Variants in APBB1IP observed in about 807,000 individuals in gnomAD.
The protein encoded by APBB1IP is amyloid beta precursor protein binding family B member 1 interacting protein, also known as amyloid beta A4 precursor protein-binding family B member 1-interacting protein.
A neutral mutation model predicts 64.9 loss-of-function variants in APBB1IP; 27 were observed. The observed-to-expected ratio is 0.42, with a 90% CI of 0.31 to 0.57. The LOEUF is 0.57. Among genes scored for constraint, APBB1IP ranks in the 20% least tolerant of loss-of-function variants. The pLI, the probability that APBB1IP is intolerant of heterozygous loss-of-function variation, is 0.20. For synonymous variants in APBB1IP, 392 were observed against 331.0 expected (o/e 1.18, Z -2.00); for missense variants, 812 against 845.5 (o/e 0.96, Z 0.49).
At position 26,451,135 on chromosome 10, in the gene APBB1IP, G is replaced by A. The variant is rs557969876; in HGVS notation, c.-1+12282G>A. 3.3e-5 allele frequency among the ~76,000 whole-genome samples: 5 copies of A among 152,024 alleles called. No homozygotes were observed. The East Asian group carries it at 9.6e-4, about 29-fold the overall frequency. On this transcript the variant is annotated intron_variant, in intron 2 of 14. Coordinates refer to ENST00000376236, the MANE Select transcript of APBB1IP (RefSeq NM_019043.4). Reference sequence around the variant, plus strand: ...AGCAATTATAAGAAATGAAAGGGGTGTTTTATTTATTTAAAATAAAATAAA... The same window carrying A: ...AGCAATTATAAGAAATGAAAGGGGTATTTTATTTATTTAAAATAAAATAAA...
In APBB1IP at chr10:26,567,326, C is replaced by T; in HGVS notation, c.1839C>T (p.Val613=). ...PPPPAPAPAP[V]PDSARPPPAV... ...CGCCCGCGCCCGCGCCCGCCCCCGT[C>T]CCCGACTCCGCCAGGCCGCCCCCCG... The change falls in exon 15 of 15, where the codon GTC becomes GTT. Residue 613 remains valine, a synonymous_variant. Coordinates refer to ENST00000376236, the MANE Select transcript of APBB1IP (RefSeq NM_019043.4). 1 of 1,310,538 alleles carries T rather than the reference C, an allele frequency of 7.6e-7. No homozygotes were observed. The allele number at this position is 1,310,538 out of a possible 1,614,324, so 81.2% of individuals were successfully genotyped here. A position where few individuals can be genotyped will look rare whatever the true frequency, so the allele number is the denominator to read the frequency against.
At chr10:26,508,323 A>T (rs1386967042) in intron 6 of APBB1IP, among the ~76,000 whole-genome samples, 1 of 152,054 alleles carries the variant, frequency 6.6e-6, no homozygotes, top group Non-Finnish European at 1.5e-5. Flanking sequence ...CTCATGCATT[A>T]CTTTTATTGT....
chr10:26,483,155 T>G (rs1434109329), intron 2 of APBB1IP, among the ~76,000 whole-genome samples: 1 of 149,158 alleles, frequency 6.7e-6, no homozygotes, highest in Non-Finnish European at 1.5e-5. Context: ...TCTTTAACTG[T>G]CTTTAACATA....
At chr10:26,556,328 A>G (rs886468716) in intron 11 of APBB1IP, among the ~76,000 whole-genome samples, 5 of 152,238 alleles carry the variant, frequency 3.3e-5, no homozygotes, top group African/African-American at 1.2e-4. Flanking sequence ...AATGTCTGCA[A>G]GGCTGAACGA....
At chr10:26,464,615 C>T (rs950158045) in intron 2 of APBB1IP, among the ~76,000 whole-genome samples, 8 of 151,772 alleles carry the variant, frequency 5.3e-5, no homozygotes, top group Non-Finnish European at 1.0e-4. Flanking sequence ...TGTTGTGTTG[C>T]CCAGGCTGGT....
At chr10:26,467,174 G>A (rs1480223574) in intron 2 of APBB1IP, among the ~76,000 whole-genome samples, 1 of 152,034 alleles carries the variant, frequency 6.6e-6, no homozygotes, top group Non-Finnish European at 1.5e-5. Context: ...CCAAAGTACT[G>A]AGATTACAGG....
In APBB1IP at chr10:26,567,236, G is replaced by A; in HGVS notation, c.1749G>A (p.Val583=). 1 of 1,329,424 alleles carries A rather than the reference G, an allele frequency of 7.5e-7. No individual in the cohort carries two copies. Among genetic ancestry groups the A allele is most frequent in the Non-Finnish European group, 9.6e-7 (1 of 1,039,990 alleles). The allele number at this position is 1,329,424 out of a possible 1,614,324, so 82.4% of individuals were successfully genotyped here. A position where few individuals can be genotyped will look rare whatever the true frequency, so the allele number is the denominator to read the frequency against. The change falls in exon 15 of 15, where the codon GTG becomes GTA. Residue 583 remains valine (V), a synonymous_variant. Coordinates refer to ENST00000376236, the MANE Select transcript of APBB1IP (RefSeq NM_019043.4). ...TCATGGAGCCGCCCCCAGACTTCGT[G>A]CCCCCGCCCCCGCCGTCGTACGCAG... The part of the protein sequence containing the change: ...PDFMEPPPDF[V]PPPPPSYAGI...
chr10:26,567,669 T>C lies in APBB1IP; in HGVS notation c.*181T>C. 1 of 1,334,778 alleles carries C rather than the reference T, an allele frequency of 7.5e-7. No individual in the cohort carries two copies. Among genetic ancestry groups the C allele is most frequent in the South Asian group, 1.3e-5 (1 of 74,492 alleles). 82.7% of individuals were successfully genotyped at this position (1,334,778 alleles called of 1,614,324 possible). On this transcript the variant is annotated 3_prime_UTR_variant, in exon 15 of 15. Transcript: ENST00000376236. ...GTAGAGTTCAGAATATCTGCCCAAA[T>C]GTACATATCGTTCCCATGTATTTTA...
intron 2 of APBB1IP, among the ~76,000 whole-genome samples, chr10:26,461,403 T>C (rs10829006): frequency 0.37 from 56,062 of 152,060 alleles, 10,401 homozygotes; most frequent in South Asian, 0.5. Flanking sequence ...TACTAACTGC[T>C]AACTTTTTCA....
At position 26,438,445 on chromosome 10, in the gene APBB1IP, G is replaced by T. The variant is rs1044851767; in HGVS notation, c.-213G>T. 1 of 149,584 alleles carries T rather than the reference G, an allele frequency of 6.7e-6. No homozygotes were observed. The highest frequency in any genetic ancestry group is 2.5e-5 in the African/African-American group (1 of 40,602). The allele number at this position is 149,584 out of a possible 1,614,324, so 9.3% of individuals were successfully genotyped here. On this transcript the variant is annotated 5_prime_UTR_variant, in exon 1 of 15. Coordinates refer to ENST00000376236, the MANE Select transcript of APBB1IP (RefSeq NM_019043.4). Reference sequence around the variant, plus strand: ...GGAGACGCTCCTGAGAGAAGGGCGCGCGCGGCACAGGTAGGGGGAGGCGCA... The same window carrying T: ...GGAGACGCTCCTGAGAGAAGGGCGCTCGCGGCACAGGTAGGGGGAGGCGCA...
chr10:26,491,003 G>C (rs1448495937), intron 2 of APBB1IP, among the ~76,000 whole-genome samples: 1 of 152,094 alleles, frequency 6.6e-6, no homozygotes, highest in Non-Finnish European at 1.5e-5. Context: ...TAGAGGCTGA[G>C]CAAGATGGCT....
intron 8 of APBB1IP, among the ~76,000 whole-genome samples, chr10:26,516,548 A>AAAAAAAAAAAAAAAAAAAAAAC (rs1836332335): frequency 6.7e-6 from 1 of 148,248 alleles, no homozygotes; most frequent in African/African-American, 2.5e-5. Context: ...CATCTCAAAA[A>AAAAAAAAAAAAAAAAAAAAAAC]AAAAAAAAAA....
At chr10:26,510,133 C>G (rs1836234512) in intron 6 of APBB1IP, among the ~76,000 whole-genome samples, 1 of 152,138 alleles carries the variant, frequency 6.6e-6, no homozygotes, top group Non-Finnish European at 1.5e-5. Context: ...CCACGCCTGG[C>G]TAACTTCTGT....
intron 14 of APBB1IP, among the ~76,000 whole-genome samples, chr10:26,563,127 G>A (rs1030694246): frequency 6.6e-6 from 1 of 152,166 alleles, no homozygotes; most frequent in African/African-American, 2.4e-5. Context: ...GCAACTAGTA[G>A]TCTGAAGCCC....
chr10:26,534,682 A>T (rs1456568065), intron 9 of APBB1IP, among the ~76,000 whole-genome samples: 1 of 151,958 alleles, frequency 6.6e-6, no homozygotes, highest in Non-Finnish European at 1.5e-5. Context: ...ACCAGCTGCC[A>T]CCCCCCAGAT....
Position 26,543,351 on chromosome 10 carries a change from C to T in APBB1IP, c.1155+1659C>T, listed in dbSNP as rs188757260. Among the ~76,000 whole-genome samples the T allele has an allele frequency of 4.0e-4, 60 of 151,472 alleles. No individual in the cohort carries two copies. In the East Asian group the frequency reaches 8.8e-3, roughly 22 times the overall value. ...GCGTGGTGGTGCACGCCTTTAGTCC[C>T]GCTACTTGGGGGGCTTGAGGCAGGA... On this transcript the variant is annotated intron_variant, in intron 11 of 14. Transcript: ENST00000376236.
intron 8 of APBB1IP, among the ~76,000 whole-genome samples, chr10:26,532,265 T>C (rs1836564101): frequency 6.6e-6 from 1 of 152,192 alleles, no homozygotes; most frequent in Non-Finnish European, 1.5e-5. Flanking sequence ...CAGCACTCTA[T>C]GACAGTGGTC....
intron 8 of APBB1IP, among the ~76,000 whole-genome samples, chr10:26,516,379 CTAAAAAT>C (rs1836327943): frequency 6.6e-6 from 1 of 151,318 alleles, no homozygotes; most frequent in Non-Finnish European, 1.5e-5. Context: ...CCCATCTCTA[CTAAAAAT>C]TTAAAACTTA....
intron 4 of APBB1IP, 60 bp from the exon 5 acceptor site, chr10:26,500,757 TTC>T: frequency 6.8e-7 from 1 of 1,472,760 alleles, no homozygotes; most frequent in South Asian, 1.3e-5. Context: ...AAAAATTATC[TTC>T]TTTCAGTTTT....
Sources: gnomAD v4.1 joint callset for allele counts (sites outside exome capture counted in the v4.1 genomes callset) on GRCh38, gnomAD v4.1.1 for gene constraint, MANE v1.5 for transcripts, NCBI Gene and HGNC (gene_info 2026-07-23, HGNC 2026-07-21) for gene names.